JPH3: variants seen among roughly 807,000 people sequenced by gnomAD.
JPH3 encodes the protein junctophilin-3.
Under a neutral mutation model 59.6 loss-of-function variants are expected in JPH3, and 11 were observed. The ratio of observed to expected loss-of-function variants is 0.18; its 90% CI spans 0.12 to 0.31. The LOEUF (loss-of-function observed/expected upper bound fraction) is 0.31, where lower values mean the gene tolerates loss of function less well. JPH3 is among the 10% of genes least tolerant of loss of function. JPH3 has a pLI of 1.00. For missense variants in JPH3, 1,202 were observed against 1,105.7 expected, an observed-to-expected ratio of 1.09 and a Z score of -1.24; for synonymous variants, 673 against 483.6, an observed-to-expected ratio of 1.39 and a Z score of -5.14.
chr16:87,688,835 GC>G (rs2033482576), intron 3 of JPH3, among the ~76,000 whole-genome samples: 1 of 152,216 alleles, frequency 6.6e-6, no homozygotes, highest in Non-Finnish European at 1.5e-5. Flanking sequence ...GTCGGGCATG[GC>G]TCCCGTGTCC....
intron 1 of JPH3, chr16:87,604,663 T>C (rs1597229868): frequency 1.7e-6 from 2 of 1,159,336 alleles, no homozygotes. Flanking sequence ...GCTCGCTGCC[T>C]CCGAGTCTCA....
intron 1 of JPH3, among the ~76,000 whole-genome samples, chr16:87,624,419 C>T (rs931803268): frequency 2.6e-5 from 4 of 152,202 alleles, no homozygotes; most frequent in African/African-American, 4.8e-5. Context: ...CGCTGAGAGG[C>T]CTTTTGTGTG....
chr16:87,643,644 C>T (rs569942156), intron 1 of JPH3, among the ~76,000 whole-genome samples: 36 of 152,288 alleles, frequency 2.4e-4, no homozygotes, highest in African/African-American at 4.1e-4. Context: ...GCAGGGGCTC[C>T]GTATTCACTC....
chr16:87,682,194 A>C (rs1051233814), intron 2 of JPH3, among the ~76,000 whole-genome samples: 1 of 151,332 alleles, frequency 6.6e-6, no homozygotes, highest in South Asian at 2.1e-4. Context: ...GGTTTATATT[A>C]CTCTCTGTAT....
intron 2 of JPH3, among the ~76,000 whole-genome samples, chr16:87,659,814 C>T (rs1171627022): frequency 6.6e-6 from 1 of 152,136 alleles, no homozygotes; most frequent in Non-Finnish European, 1.5e-5. Context: ...TGACCACCAT[C>T]TATCTCCAGA....
chr16:87,622,750 C>T (rs903622172), intron 1 of JPH3, among the ~76,000 whole-genome samples: 4 of 152,084 alleles, frequency 2.6e-5, no homozygotes, highest in African/African-American at 9.7e-5. Flanking sequence ...CCCCCCCCGC[C>T]CCACCCTGCC....
At chr16:87,668,889 G>C (rs1345183278) in intron 2 of JPH3, among the ~76,000 whole-genome samples, 1 of 150,800 alleles carries the variant, frequency 6.6e-6, no homozygotes, top group Non-Finnish European at 1.5e-5. Context: ...CACCCCCTCC[G>C]GCTGTCCCGG....
rs117808271 is a variant in JPH3, at chr16:87,654,123, G to A, written c.1160+9088G>A. ...CTGATATTCTGCACATCTGCCCACCGTCCTCTGGGCGGTCCACGAATACAT... is the reference window on the plus strand; with the variant it reads ...CTGATATTCTGCACATCTGCCCACCATCCTCTGGGCGGTCCACGAATACAT... On this transcript the variant is annotated intron_variant, in intron 2 of 4. Transcript: ENST00000284262. 1,092 of 152,264 alleles carry A rather than the reference G, an allele frequency of 7.2e-3. 2 individuals carry two copies. The highest frequency in any genetic ancestry group is 0.02 in the Middle Eastern group (6 of 294). The allele number at this position is 152,264 out of a possible 1,614,324, so 9.4% of individuals were successfully genotyped here. A position where few individuals can be genotyped will look rare whatever the true frequency, so the allele number is the denominator to read the frequency against.
At chr16:87,661,199 C>T (rs561988213) in intron 2 of JPH3, among the ~76,000 whole-genome samples, 2 of 152,326 alleles carry the variant, frequency 1.3e-5, no homozygotes, top group Admixed American at 1.3e-4. Context: ...CCTCTCCTCT[C>T]CGACCTCCTG....
At chr16:87,634,394 G>C (rs1280327053) in intron 1 of JPH3, among the ~76,000 whole-genome samples, 1 of 152,230 alleles carries the variant, frequency 6.6e-6, no homozygotes, top group Non-Finnish European at 1.5e-5. Flanking sequence ...AGGGGTGTCA[G>C]AGCCGGGAAT....
intron 4 of JPH3, among the ~76,000 whole-genome samples, chr16:87,691,091 C>G (rs555041195): frequency 4.7e-5 from 7 of 150,048 alleles, no homozygotes; most frequent in Admixed American, 1.3e-4. Flanking sequence ...CCAGCACCCC[C>G]CCCCCAAATT....
chr16:87,695,412 G>T (rs1231639347), intron 4 of JPH3: 6 of 455,990 alleles, frequency 1.3e-5, no homozygotes, highest in African/African-American at 1.2e-4. Context: ...GTCCATCTGT[G>T]TCGCACAGCA....
At chr16:87,679,598 C>T (rs1353310555) in intron 2 of JPH3, among the ~76,000 whole-genome samples, 2 of 152,198 alleles carry the variant, frequency 1.3e-5, no homozygotes, top group Admixed American at 6.5e-5. Flanking sequence ...TTGCCTTGTC[C>T]CCCGGACGCA....
At chr16:87,634,049 C>A (rs750168243) in intron 1 of JPH3, among the ~76,000 whole-genome samples, 1 of 152,096 alleles carries the variant, frequency 6.6e-6, no homozygotes, top group Non-Finnish European at 1.5e-5. Context: ...GTGAAACGGC[C>A]GTGCAATGAA....
intron 1 of JPH3, among the ~76,000 whole-genome samples, chr16:87,641,292 C>G (rs2031942075): frequency 6.6e-6 from 1 of 152,136 alleles, no homozygotes; most frequent in African/African-American, 2.4e-5. Context: ...GGGCAGGAGC[C>G]CCATCACTGG....
At chr16:87,664,371 C>T (rs867930789) in intron 2 of JPH3, among the ~76,000 whole-genome samples, 1 of 148,538 alleles carries the variant, frequency 6.7e-6, no homozygotes, top group Non-Finnish European at 1.5e-5. Context: ...GGCGCGGTGG[C>T]TCACGCAGTT....
At position 87,644,701 on chromosome 16, in the gene JPH3, A is replaced by G. The variant is rs1267706788; in HGVS notation, c.826A>G (p.Ile276Val). The G allele has an allele frequency of 5.6e-6, 9 of 1,612,144 alleles. No homozygotes were observed. Among genetic ancestry groups the G allele is most frequent in the Non-Finnish European group, 7.6e-6 (9 of 1,179,902 alleles). The change falls in exon 2 of 5, where the codon ATC (isoleucine) becomes GTC (valine). Residue 276 changes from isoleucine to valine, a missense_variant. Coordinates refer to ENST00000284262, the MANE Select transcript of JPH3 (RefSeq NM_020655.4). The part of the protein sequence containing the change: ...LGEAEAELAV[I>V]EDDIDATTTE... ...CGAGGCTGAGGCCGAGCTGGCGGTC[A>G]TCGAGGACGACATCGACGCCACCAC...
chr16:87,685,854 C>G (rs764701345), intron 3 of JPH3, among the ~76,000 whole-genome samples: 1 of 152,178 alleles, frequency 6.6e-6, no homozygotes, highest in Non-Finnish European at 1.5e-5. Context: ...CATCCTGTGC[C>G]AAATCCCCCA....
chr16:87,691,098 A>G (rs1040489286), intron 4 of JPH3, among the ~76,000 whole-genome samples: 36 of 136,822 alleles, frequency 2.6e-4, no homozygotes, highest in African/African-American at 8.3e-4. Context: ...CCCCCCCCCA[A>G]ATTCGTTCCT....
Sources: gnomAD v4.1 joint callset for allele counts (sites outside exome capture counted in the v4.1 genomes callset) on GRCh38, gnomAD v4.1.1 for gene constraint, MANE v1.5 for transcripts, NCBI Gene and HGNC (gene_info 2026-07-23, HGNC 2026-07-21) for gene names.